The following IKZF4 variants were observed in gnomAD, a reference collection of about 807,000 sequenced individuals.
IKZF4 encodes IKAROS family zinc finger 4, also known as zinc finger protein Eos.
Under a neutral mutation model 47.7 loss-of-function variants are expected in IKZF4, and 11 were observed. That is an observed-to-expected ratio of 0.23 (90% CI 0.15 to 0.38). The LOEUF is 0.38. IKZF4 is among the 10% of genes least tolerant of loss of function. The pLI is 1.00. For synonymous variants in IKZF4, 298 were observed against 299.4 expected, an observed-to-expected ratio of 1.00 and a Z score of 0.05; for missense variants, 557 against 784.9, an observed-to-expected ratio of 0.71 and a Z score of 3.47.
chr12:56,030,486 T>C (rs1047320027), intron 5 of IKZF4, among the ~76,000 whole-genome samples: 5 of 151,234 alleles, frequency 3.3e-5, no homozygotes, highest in Admixed American at 2.0e-4. Flanking sequence ...TCCCAGCACT[T>C]TGGGAGGCCA....
At position 56,032,467 on chromosome 12, in the gene IKZF4, C is replaced by T. The variant is rs529125716; in HGVS notation, c.716-94C>T. On this transcript the variant is annotated intron_variant, in intron 5 of 7. Coordinates refer to ENST00000547167, the MANE Select transcript of IKZF4 (RefSeq NM_022465.4). Reference sequence around the variant, plus strand: ...CTCAATTTAGCAACATCCTTTCCTTCCCATGCCAGTGTATACTTGCTCTTG... The same window carrying T: ...CTCAATTTAGCAACATCCTTTCCTTTCCATGCCAGTGTATACTTGCTCTTG... The T allele has an allele frequency of 2.4e-6, 3 of 1,266,962 alleles. No individual in the cohort carries two copies. In the East Asian group the frequency reaches 7.7e-5, roughly 33 times the overall value. 78.5% of individuals were successfully genotyped at this position (1,266,962 alleles called of 1,614,324 possible).
chr12:56,031,850 A>T (rs900902355), intron 5 of IKZF4, among the ~76,000 whole-genome samples: 18 of 151,610 alleles, frequency 1.2e-4, no homozygotes, highest in African/African-American at 4.1e-4. Flanking sequence ...TCTTTTTTTT[A>T]CTCTTCTTTA....
In IKZF4 at chr12:56,038,053, AATATATATATATAC is replaced by A. The variant is rs1262751569; in HGVS notation, c.*2736_*2749del. The A allele has an allele frequency of 2.0e-5, 3 of 148,158 alleles. No homozygotes were observed. Among genetic ancestry groups the A allele is most frequent in the African/African-American group, 7.4e-5 (3 of 40,700 alleles). 9.2% of individuals were successfully genotyped at this position (148,158 alleles called of 1,614,324 possible). On this transcript the variant is annotated 3_prime_UTR_variant, in exon 8 of 8. Transcript: ENST00000547167. ...TGGCAGCTTCTTTCCTTGTGTACAT[AATATATATATATAC>A]ATATATATATATATTTTTAATCAGA...
At chr12:56,015,371 G>A (rs943990947) in intron 2 of IKZF4, among the ~76,000 whole-genome samples, 3 of 151,482 alleles carry the variant, frequency 2.0e-5, no homozygotes, top group Non-Finnish European at 2.9e-5. Flanking sequence ...TACCACGCCC[G>A]GCTTCAAGTG....
upstream of IKZF4, among the ~76,000 whole-genome samples, chr12:56,019,982 C>A (rs150127291): frequency 1.5e-3 from 223 of 152,352 alleles, no homozygotes; most frequent in African/African-American, 5.2e-3. Flanking sequence ...CAAAGTAAGG[C>A]TACCATTAGC....
intron 2 of IKZF4, among the ~76,000 whole-genome samples, chr12:56,013,090 C>G (rs1183767189): frequency 6.6e-6 from 1 of 152,136 alleles, no homozygotes; most frequent in African/African-American, 2.4e-5. Flanking sequence ...AGAGATATTC[C>G]TTTTGAATTG....
upstream of IKZF4, chr12:56,019,351 A>G: frequency 2.0e-6 from 2 of 984,992 alleles, no homozygotes; most frequent in Non-Finnish European, 2.4e-6. Flanking sequence ...GCATGCACTA[A>G]AGGAGATAGC....
At position 56,025,147 on chromosome 12, in the gene IKZF4, G is replaced by A. The variant is rs762523605; in HGVS notation, c.275G>A (p.Arg92His). 25 of 1,592,278 alleles carry A rather than the reference G, an allele frequency of 1.6e-5. No individual in the cohort carries two copies. The highest frequency in any genetic ancestry group is 5.7e-5 in the South Asian group (5 of 87,664). The change falls in exon 3 of 8, where the codon CGC (arginine) becomes CAC (histidine). Residue 92 changes from arginine (R) to histidine (H), a missense_variant. Arg to His is a conservative substitution (Grantham distance 29). Around this residue, in one of 6 missense-constraint regions of IKZF4, gnomAD observed 112 missense variants for 168.2 expected, o/e 0.67. Transcript: ENST00000547167. The part of the protein sequence containing the change: ...TPNSQHSSPS[R>H]SLSANSIKVE... ...AACAGCCAGCACTCTTCTCCTAGCC[G>A]CTCACTCAGTGGTAAGTGTAACCTC...
In IKZF4 at chr12:56,027,894, A is replaced by G; in HGVS notation, c.662A>G (p.Asn221Ser). ...AAGCCCTTTAAATGTCCCTTCTGCA[A>G]CTATGCCTGCCGCCGGCGTGATGCA... is the stretch of plus-strand genomic sequence containing the variant. ...GEKPFKCPFCNYACRRRDALT... is the reference protein window; with the variant it reads ...GEKPFKCPFCSYACRRRDALT... The change falls in exon 5 of 8, where the codon AAC (asparagine) becomes AGC (serine). Residue 221 changes from asparagine (N) to serine (S), a missense_variant. Asn to Ser is a conservative substitution (Grantham distance 46). Coordinates refer to ENST00000547167, the MANE Select transcript of IKZF4 (RefSeq NM_022465.4). 1.2e-6 allele frequency: 2 copies of G among 1,602,010 alleles called. No individual in the cohort carries two copies. Among genetic ancestry groups the G allele is most frequent in the East Asian group, 4.5e-5 (2 of 44,820 alleles).
chr12:56,021,477 G>T lies in IKZF4; in HGVS notation c.-17G>T. 1 of 1,589,856 alleles carries T rather than the reference G, an allele frequency of 6.3e-7. No homozygotes were observed. The highest frequency in any genetic ancestry group is 2.3e-5 in the East Asian group (1 of 43,074). On this transcript the variant is annotated 5_prime_UTR_variant, in exon 1 of 8. Coordinates refer to ENST00000547167, the MANE Select transcript of IKZF4 (RefSeq NM_022465.4). ...TGAGTGGCTGGGCTCACCCCTGCCTGCCACTGAGACGCAGACATGCATACA... is the reference window on the plus strand; with the variant it reads ...TGAGTGGCTGGGCTCACCCCTGCCTTCCACTGAGACGCAGACATGCATACA...
At chr12:56,033,049 G>A in intron 6 of IKZF4, 141 bp from the exon 7 acceptor site, 2 of 929,292 alleles carry the variant, frequency 2.2e-6, no homozygotes, top group East Asian at 2.6e-5. Flanking sequence ...GCTTTAGGTA[G>A]GGTAAACAGA....
chr12:56,029,111 CA>C (rs1894518122), intron 5 of IKZF4, among the ~76,000 whole-genome samples: 1 of 151,668 alleles, frequency 6.6e-6, no homozygotes, highest in Non-Finnish European at 1.5e-5. Flanking sequence ...TCTCAAATTG[CA>C]AAAAAGGGAG....
chr12:56,010,199 ACT>A (rs1328649644), intron 1 of IKZF4: 1 of 152,080 alleles, frequency 6.6e-6, no homozygotes, highest in Non-Finnish European at 1.5e-5. Flanking sequence ...TGGTCTGTTG[ACT>A]CTGCTGAAGA....
At chr12:56,016,329 C>G (rs1892052306), upstream of IKZF4, among the ~76,000 whole-genome samples, 1 of 152,072 alleles carries the variant, frequency 6.6e-6, no homozygotes, top group Non-Finnish European at 1.5e-5. Flanking sequence ...GCAGCTCAGA[C>G]TGTTCCCTTG....
At chr12:56,016,438 T>C (rs75663511), upstream of IKZF4, among the ~76,000 whole-genome samples, 3 of 149,772 alleles carry the variant, frequency 2.0e-5, no homozygotes, top group African/African-American at 7.4e-5. Context: ...TTTTTTTTTT[T>C]TGTGACCGGG....
In IKZF4 at chr12:56,036,459, CT is replaced by C. The variant is rs1260620560; in HGVS notation, c.*1129del. Reference sequence around the variant, plus strand: ...CCCTCAGTCATGCTGCCTTCTGCTGCTCCCTCCCAGCAGGATTCACCCTCTC... The same window carrying C: ...CCCTCAGTCATGCTGCCTTCTGCTGCCCCTCCCAGCAGGATTCACCCTCTC... On this transcript the variant is annotated 3_prime_UTR_variant, in exon 8 of 8. Transcript: ENST00000547167. The C allele has an allele frequency of 6.6e-6, 1 of 152,266 alleles. No homozygotes were observed. Among genetic ancestry groups the C allele is most frequent in the Non-Finnish European group, 1.5e-5 (1 of 68,072 alleles). 9.4% of individuals were successfully genotyped at this position (152,266 alleles called of 1,614,324 possible).
chr12:56,035,454 C>G lies in IKZF4; in HGVS notation c.*123C>G, dbSNP rs1593010508. 1 of 974,702 alleles carries G rather than the reference C, an allele frequency of 1.0e-6. No homozygotes were observed. Among genetic ancestry groups the G allele is most frequent in the East Asian group, 2.4e-5 (1 of 41,596 alleles). 60.4% of individuals were successfully genotyped at this position (974,702 alleles called of 1,614,324 possible). ...CCTCACTACTGGCCACCTGACCTCA[C>G]ACCTGACCCTGACCCCTCCTCACCT... On this transcript the variant is annotated 3_prime_UTR_variant, in exon 8 of 8. Coordinates refer to ENST00000547167, the MANE Select transcript of IKZF4 (RefSeq NM_022465.4). The surrounding 1 kb of genome is among the most constrained non-coding windows in gnomAD (Gnocchi z 6.1).
chr12:56,015,676 C>T (rs1409900030), intron 2 of IKZF4, among the ~76,000 whole-genome samples: 2 of 152,200 alleles, frequency 1.3e-5, no homozygotes, highest in Non-Finnish European at 2.9e-5. Flanking sequence ...GATTACAGGC[C>T]TGAGCCACCA....
At position 56,035,109 on chromosome 12, in the gene IKZF4, C is replaced by T. The variant is rs1193709830; in HGVS notation, c.1536C>T (p.Pro512=). The T allele has an allele frequency of 6.2e-7, 1 of 1,612,068 alleles. No individual in the cohort carries two copies. The highest frequency in any genetic ancestry group is 8.5e-7 in the Non-Finnish European group (1 of 1,178,768). The stretch of plus-strand genomic sequence containing the variant: ...GGTTATTGCGGGGCACCCCAGGCCC[C>T]TCCAAGGAAGTGCTTCGGGTGGTGG... The part of the protein sequence containing the change: ...QEGLLRGTPG[P]SKEVLRVVGE... Residue 512 remains proline (P), a synonymous_variant, in exon 8 of 8, where the codon CCC becomes CCT. Transcript: ENST00000547167. This position sits in a 1 kb window ranked among gnomAD's most constrained non-coding sequence, Gnocchi z 6.1.
Sources: allele counts gnomAD v4.1 joint callset (sites outside exome capture counted in the v4.1 genomes callset), GRCh38; gene constraint gnomAD v4.1.1; regional missense constraint gnomAD v4.1.1; non-coding constraint Gnocchi (gnomAD v3.1); transcripts MANE v1.5; gene names NCBI Gene and HGNC (gene_info 2026-07-23, HGNC 2026-07-21).